Variants in DRC9 observed in about 807,000 individuals in gnomAD.
DRC9 encodes the protein dynein regulatory complex subunit 9.
chr3:197,892,963 CT>C, the DRC9 span, among the ~76,000 whole-genome samples: 1 of 152,168 alleles, frequency 6.6e-6, no homozygotes, highest in African/African-American at 2.4e-5. Context: ...TAAATGTTCT[CT>C]GTATCTTTAT....
the DRC9 span, chr3:197,951,448 G>T: frequency 3.4e-6 from 3 of 894,974 alleles, no homozygotes; most frequent in Non-Finnish European, 5.4e-6. Context: ...CGCCTCCCGG[G>T]TTCAAGCAAG....
At chr3:197,950,081 C>A in the DRC9 span, 3 of 1,203,062 alleles carry the variant, frequency 2.5e-6, no homozygotes, top group South Asian at 4.2e-5. Flanking sequence ...TATTTCAGTG[C>A]GAAGCCGATT....
At chr3:197,892,920 G>A in the DRC9 span, among the ~76,000 whole-genome samples, 2 of 152,158 alleles carry the variant, frequency 1.3e-5, no homozygotes, top group Non-Finnish European at 2.9e-5. Flanking sequence ...ATTTCTGATT[G>A]GGAATGGGGG....
At chr3:197,945,785 C>A in the DRC9 span, 1 of 599,322 alleles carries the variant, frequency 1.7e-6, no homozygotes, top group Non-Finnish European at 3.0e-6. Context: ...TAAATGATTA[C>A]GGGAGCTGTG....
chr3:197,894,420 TAAA>T, the DRC9 span: 1 of 152,148 alleles, frequency 6.6e-6, no homozygotes, highest in African/African-American at 2.4e-5. Flanking sequence ...TTTGCCTTAA[TAAA>T]GGCAAAAGAA....
chr3:197,905,343 A>T, the DRC9 span, among the ~76,000 whole-genome samples: 2 of 152,228 alleles, frequency 1.3e-5, no homozygotes, highest in African/African-American at 4.8e-5. Context: ...CATGCACTCC[A>T]TAAGTATATA....
the DRC9 span, chr3:197,959,932 T>G: frequency 2.1e-6 from 1 of 469,424 alleles, no homozygotes; most frequent in East Asian, 3.6e-5. Flanking sequence ...GCATGTCACT[T>G]TGGTAAATGA....
chr3:197,891,539 C>G, the DRC9 span: 3 of 1,570,770 alleles, frequency 1.9e-6, no homozygotes, highest in African/African-American at 4.1e-5. Context: ...CCTGTTCATA[C>G]TCTCTTATCT....
At chr3:197,915,211 A>C in the DRC9 span, among the ~76,000 whole-genome samples, 1 of 140,628 alleles carries the variant, frequency 7.1e-6, no homozygotes, top group Non-Finnish European at 1.5e-5. Flanking sequence ...GGAAAGAAAA[A>C]GAAAAGAAAA....
the DRC9 span, among the ~76,000 whole-genome samples, chr3:197,910,982 C>CA: frequency 0.074 from 4,565 of 61,496 alleles, 155 homozygotes; most frequent in African/African-American, 0.18. Flanking sequence ...AAAAACAAAA[C>CA]AAAAAAAAAA....
At chr3:197,933,991 A>G in the DRC9 span, among the ~76,000 whole-genome samples, 1 of 151,090 alleles carries the variant, frequency 6.6e-6, no homozygotes, top group African/African-American at 2.4e-5. Flanking sequence ...AAAAAAAAAA[A>G]AAAGAAGTTT....
At chr3:197,889,582 A>G in the DRC9 span, 14 of 1,614,058 alleles carry the variant, frequency 8.7e-6, no homozygotes, top group African/African-American at 2.7e-5. Flanking sequence ...GAACTTGGTC[A>G]CTTCTTCTTG....
the DRC9 span, among the ~76,000 whole-genome samples, chr3:197,920,078 G>A: frequency 4.0e-5 from 6 of 151,580 alleles, no homozygotes; most frequent in African/African-American, 1.2e-4. Context: ...GTGTGGTGGC[G>A]TGCACCTGTA....
chr3:197,891,557 T>C, the DRC9 span: 3 of 1,449,092 alleles, frequency 2.1e-6, no homozygotes, highest in African/African-American at 1.4e-5. Flanking sequence ...TCTGCAAAGA[T>C]AGACATTCAT....
the DRC9 span, chr3:197,943,951 T>C: frequency 1.2e-6 from 2 of 1,614,060 alleles, no homozygotes; most frequent in African/African-American, 1.3e-5. Context: ...TCTTTAGGTA[T>C]TCCTTCTTCT....
At chr3:197,947,594 G>A in the DRC9 span, among the ~76,000 whole-genome samples, 1 of 152,206 alleles carries the variant, frequency 6.6e-6, no homozygotes, top group South Asian at 2.1e-4. Flanking sequence ...CCTTTTCACC[G>A]TGTAAAGTCC....
the DRC9 span, among the ~76,000 whole-genome samples, chr3:197,897,495 T>C: frequency 3.3e-5 from 5 of 152,272 alleles, no homozygotes; most frequent in African/African-American, 1.2e-4. Context: ...TTAGAATATA[T>C]ATAAAGCAAA....
chr3:197,895,503 C>T, the DRC9 span, among the ~76,000 whole-genome samples: 4 of 152,052 alleles, frequency 2.6e-5, no homozygotes, highest in South Asian at 2.1e-4. Flanking sequence ...AACTCCCAAG[C>T]GATCCACCCA....
At chr3:197,925,182 TGG>T in the DRC9 span, among the ~76,000 whole-genome samples, 32 of 125,140 alleles carry the variant, frequency 2.6e-4, no homozygotes, top group Middle Eastern at 4.3e-3. Context: ...GGGGTGTATG[TGG>T]GGTGGGATAT....
Sources: allele counts gnomAD v4.1 joint callset (sites outside exome capture counted in the v4.1 genomes callset), GRCh38; gene constraint gnomAD v4.1.1; transcripts MANE v1.5; gene names NCBI Gene and HGNC (gene_info 2026-07-23, HGNC 2026-07-21).